RANBP17: variants seen among roughly 807,000 people sequenced by gnomAD.
RANBP17 encodes ran-binding protein 17.
Under a neutral mutation model 141.2 loss-of-function variants are expected in RANBP17, and 158 were observed. The ratio of observed to expected loss-of-function variants is 1.12; its 90% CI spans 0.98 to 1.28. RANBP17 has a LOEUF of 1.28. Among genes scored for constraint, RANBP17 ranks in the 50% most tolerant of loss-of-function variants. RANBP17 has a pLI of 0.00. For missense variants in RANBP17, 1,438 were observed against 1,290.7 expected, an observed-to-expected ratio of 1.11 and a Z score of -1.75; for synonymous variants, 430 against 450.0, an observed-to-expected ratio of 0.96 and a Z score of 0.56.
At chr5:170,988,817 T>C (rs1452983257) in intron 14 of RANBP17, among the ~76,000 whole-genome samples, 1 of 151,806 alleles carries the variant, frequency 6.6e-6, no homozygotes, top group Non-Finnish European at 1.5e-5. Flanking sequence ...TCTTACTGTT[T>C]ATTATTTTTG....
intron 12 of RANBP17, among the ~76,000 whole-genome samples, chr5:170,939,546 T>A (rs1475671125): frequency 1.3e-5 from 2 of 151,912 alleles, no homozygotes; most frequent in African/African-American, 2.4e-5. Flanking sequence ...CATGCCGGGC[T>A]AAATTTTTTG....
chr5:171,014,189 T>C (rs971396166), intron 14 of RANBP17, among the ~76,000 whole-genome samples: 1 of 152,042 alleles, frequency 6.6e-6, no homozygotes, highest in Non-Finnish European at 1.5e-5. Flanking sequence ...TTTTTTTCAT[T>C]TTTTTATCTT....
At chr5:171,072,975 A>G (rs1175043684) in intron 14 of RANBP17, among the ~76,000 whole-genome samples, 1 of 152,106 alleles carries the variant, frequency 6.6e-6, no homozygotes, top group Non-Finnish European at 1.5e-5. Flanking sequence ...GGCAGTGTAT[A>G]GTATTATTCC....
intron 22 of RANBP17, among the ~76,000 whole-genome samples, chr5:171,238,477 A>G (rs1196197131): frequency 6.6e-6 from 1 of 152,138 alleles, no homozygotes; most frequent in Non-Finnish European, 1.5e-5. Flanking sequence ...GTTGCTACAG[A>G]ATATAGGACC....
At chr5:171,184,153 A>G (rs564138380) in intron 18 of RANBP17, among the ~76,000 whole-genome samples, 2 of 152,324 alleles carry the variant, frequency 1.3e-5, no homozygotes, top group South Asian at 2.1e-4. Context: ...AGGAAATGAA[A>G]TGAGTATATC....
chr5:170,919,706 C>A, intron 11 of RANBP17, 93 bp downstream of exon 11: 1 of 922,382 alleles, frequency 1.1e-6, no homozygotes, highest in Non-Finnish European at 1.6e-6. Context: ...CCCCTTTTAG[C>A]GTACAGTTGT....
At chr5:170,922,013 C>T (rs1392274885) in intron 11 of RANBP17, among the ~76,000 whole-genome samples, 1 of 152,144 alleles carries the variant, frequency 6.6e-6, no homozygotes, top group African/African-American at 2.4e-5. Context: ...GATGGGGTTT[C>T]TGTGTAGATG....
intron 14 of RANBP17, among the ~76,000 whole-genome samples, chr5:171,055,697 A>G (rs1191927884): frequency 6.6e-6 from 1 of 152,000 alleles, no homozygotes; most frequent in African/African-American, 2.4e-5. Flanking sequence ...TTAGAAAGTG[A>G]CATTCTGTAC....
rs1771286344 is a variant in RANBP17, at chr5:170,908,787, G to A, written c.490-874G>A. ...TGTTTTATAAGTAAATATGGCAATC[G>A]AGTATAATCTAAATTATATGTTGGA... On this transcript the variant is annotated intron_variant, in intron 5 of 27. Coordinates refer to ENST00000523189, the MANE Select transcript of RANBP17 (RefSeq NM_022897.5). Among the ~76,000 whole-genome samples, 4 of 151,900 alleles carry A rather than the reference G, an allele frequency of 2.6e-5. 1 individual carries two copies. In the South Asian group the frequency reaches 6.2e-4, roughly 24 times the overall value.
chr5:171,241,500 A>G (rs963177238), intron 23 of RANBP17, among the ~76,000 whole-genome samples: 2 of 152,122 alleles, frequency 1.3e-5, no homozygotes, highest in African/African-American at 4.8e-5. Context: ...ATGCTTCTTG[A>G]TCTCCTAGTG....
chr5:170,924,452 G>C lies in RANBP17; in HGVS notation c.1370G>C (p.Cys457Ser). 6.2e-7 allele frequency: 1 copy of C among 1,613,384 alleles called. No homozygotes were observed. The highest frequency in any genetic ancestry group is 8.5e-7 in the Non-Finnish European group (1 of 1,179,490). Residue 457 changes from cysteine (C) to serine (S), a missense_variant, in exon 12 of 28, where the codon TGT becomes TCT. Cys to Ser is a moderately radical substitution (Grantham distance 112). Coordinates refer to ENST00000523189, the MANE Select transcript of RANBP17 (RefSeq NM_022897.5). ...AGCAGATGTGAATATGAAAAGACAT[G>C]TGCTCTTCTTGTGCAGTTATTCGAC... ...TVSRCEYEKTCALLVQLFDQN... is the reference protein window; with the variant it reads ...TVSRCEYEKTSALLVQLFDQN...
At chr5:171,094,470 A>G (rs1023120857) in intron 14 of RANBP17, among the ~76,000 whole-genome samples, 3 of 152,060 alleles carry the variant, frequency 2.0e-5, no homozygotes, top group Non-Finnish European at 2.9e-5. Flanking sequence ...CATTATTATC[A>G]TTGTTATTTT....
At chr5:170,959,027 A>T (rs1001919411) in intron 13 of RANBP17, among the ~76,000 whole-genome samples, 1 of 152,194 alleles carries the variant, frequency 6.6e-6, no homozygotes, top group African/African-American at 2.4e-5. Flanking sequence ...GAGCAGTAGG[A>T]TATAAATAAC....
At chr5:170,924,722 ATTT>A in intron 12 of RANBP17, 172 bp downstream of exon 12, 2 of 367,600 alleles carry the variant, frequency 5.4e-6, no homozygotes, top group African/African-American at 2.2e-5. Flanking sequence ...TTGTTGGTTG[ATTT>A]TTTTTTTTTT....
At chr5:171,123,771 G>T (rs1302306097) in intron 14 of RANBP17, among the ~76,000 whole-genome samples, 1 of 152,248 alleles carries the variant, frequency 6.6e-6, no homozygotes, top group Non-Finnish European at 1.5e-5. Context: ...AGGCACCACT[G>T]TAAGGAACAG....
chr5:170,988,378 T>TTG (rs1778295331), intron 14 of RANBP17, among the ~76,000 whole-genome samples: 1 of 151,258 alleles, frequency 6.6e-6, no homozygotes, highest in South Asian at 2.1e-4. Context: ...GTTTGATTTT[T>TTG]TTTTTTGGTG....
chr5:171,126,806 A>G (rs574100901), intron 14 of RANBP17, among the ~76,000 whole-genome samples: 28 of 152,214 alleles, frequency 1.8e-4, no homozygotes, highest in Admixed American at 5.9e-4. Flanking sequence ...ACCAATAACA[A>G]GTAACAAGAC....
chr5:171,131,933 C>G (rs1379795319), intron 14 of RANBP17, among the ~76,000 whole-genome samples: 2 of 152,104 alleles, frequency 1.3e-5, no homozygotes, highest in Non-Finnish European at 2.9e-5. Flanking sequence ...AGCTCAGATG[C>G]AATGATTAAG....
chr5:171,027,846 A>G (rs1461872136), intron 14 of RANBP17, among the ~76,000 whole-genome samples: 1 of 151,888 alleles, frequency 6.6e-6, no homozygotes, highest in Non-Finnish European at 1.5e-5. Context: ...TTTCATGTAA[A>G]TTTTTCTGCT....
Sources: gnomAD v4.1 joint callset for allele counts (sites outside exome capture counted in the v4.1 genomes callset) on GRCh38, gnomAD v4.1.1 for gene constraint, MANE v1.5 for transcripts, NCBI Gene and HGNC (gene_info 2026-07-23, HGNC 2026-07-21) for gene names.